C11orf24: variants seen among roughly 807,000 people sequenced by gnomAD.
C11orf24 encodes chromosome 11 open reading frame 24, also known as uncharacterized protein C11orf24.
In C11orf24, 5 loss-of-function variants were observed where a neutral mutation model predicts 7.3. The observed-to-expected ratio is 0.69, with a 90% CI of 0.36 to 1.45. The LOEUF (loss-of-function observed/expected upper bound fraction) is 1.45. Among genes scored for constraint, C11orf24 ranks in the 40% most tolerant of loss-of-function variants. The pLI is 0.03. For missense variants in C11orf24, 566 were observed against 590.5 expected (o/e 0.96, Z 0.43); for synonymous variants, 233 against 235.7 (o/e 0.99, Z 0.11).
In C11orf24 at chr11:68,263,873, T is replaced by C; in HGVS notation, c.-99-7A>G. The C allele has an allele frequency of 4.3e-6, 4 of 930,846 alleles. No individual in the cohort carries two copies. The South Asian group carries it at 6.1e-5, about 14-fold the overall frequency. The allele number at this position is 930,846 out of a possible 1,614,324, so 57.7% of individuals were successfully genotyped here. ...TCCTGCTTGGCCAAGGGATCTGTGG[T>C]CAAGAAAGCACGCTGGTCAGAAGGC... On this transcript the variant is annotated splice_polypyrimidine_tract_variant and splice_region_variant and intron_variant, in intron 2 of 3. Coordinates refer to ENST00000304271, the MANE Select transcript of C11orf24 (RefSeq NM_022338.4).
At chr11:68,269,522 G>A (rs1248144280) in intron 1 of C11orf24, among the ~76,000 whole-genome samples, 3 of 152,190 alleles carry the variant, frequency 2.0e-5, no homozygotes, top group Admixed American at 6.5e-5. Context: ...AGATGCCCAC[G>A]TGTGCACACA....
At position 68,262,036 on chromosome 11, in the gene C11orf24, A is replaced by G. The variant is rs1480725858; in HGVS notation, c.959T>C (p.Met320Thr). 3.1e-6 allele frequency: 5 copies of G among 1,603,528 alleles called. No individual in the cohort carries two copies. The highest frequency in any genetic ancestry group is 3.4e-5 in the Admixed American group (2 of 59,546). The change falls in exon 4 of 4, where the codon ATG becomes ACG. Residue 320 changes from methionine to threonine, a missense_variant. By Grantham distance (81) the Met-to-Thr change is moderately conservative. Transcript: ENST00000304271. ...HTSPIPEMEA[M>T]SPTTQPSPMP... The stretch of plus-strand genomic sequence containing the variant: ...GGGGCTTGGCTGTGTCGTGGGGGAC[A>G]TGGCCTCCATCTCAGGGATTGGGCT...
intron 2 of C11orf24, among the ~76,000 whole-genome samples, chr11:68,264,799 C>T (rs1450422480): frequency 6.7e-6 from 1 of 149,530 alleles, no homozygotes; most frequent in African/African-American, 2.5e-5. Context: ...AGGTGAAAAA[C>T]ACACAAGCTC....
In C11orf24 at chr11:68,261,664, T is replaced by C. The variant is rs1254076723; in HGVS notation, c.1331A>G (p.Tyr444Cys). 6.2e-7 allele frequency: 1 copy of C among 1,609,996 alleles called. No individual in the cohort carries two copies. The highest frequency in any genetic ancestry group is 8.5e-7 in the Non-Finnish European group (1 of 1,176,618). Residue 444 changes from tyrosine (Y) to cysteine (C), a missense_variant, in exon 4 of 4, where the codon TAT (tyrosine) becomes TGT (cysteine). Tyr to Cys is a radical substitution (Grantham distance 194, BLOSUM62 -2). Transcript: ENST00000304271. ...CCCCCCTCACATTTCTGAGTCCGCATACATCCCGTTGATTAAGTAGTCCAC... is the reference window on the plus strand; with the variant it reads ...CCCCCCTCACATTTCTGAGTCCGCACACATCCCGTTGATTAAGTAGTCCAC... ...TQVDYLINGM[Y>C]ADSEM
intron 2 of C11orf24, among the ~76,000 whole-genome samples, chr11:68,266,743 A>AT (rs1482479906): frequency 6.6e-6 from 1 of 152,168 alleles, no homozygotes; most frequent in Non-Finnish European, 1.5e-5. Context: ...CTTTTGATAA[A>AT]TATGAGTATT....
Position 68,263,760 on chromosome 11 carries a change from G to C in C11orf24, c.8C>G (p.Thr3Arg), listed in dbSNP as rs760346025. MW[T>R]ALVLIWIFSL... Reference sequence around the variant, plus strand: ...GAAAATCCAAATGAGCACAAGAGCTGTCCACATCTTGTGGGTGAGCTGGGA... The same window carrying C: ...GAAAATCCAAATGAGCACAAGAGCTCTCCACATCTTGTGGGTGAGCTGGGA... The change falls in exon 3 of 4, where the codon ACA becomes AGA. Residue 3 changes from threonine to arginine, a missense_variant. Physicochemically the swap from Thr to Arg is moderately conservative, Grantham distance 71 (BLOSUM62 -1). Coordinates refer to ENST00000304271, the MANE Select transcript of C11orf24 (RefSeq NM_022338.4). 1.5e-5 allele frequency: 24 copies of C among 1,612,790 alleles called. No individual in the cohort carries two copies. The highest frequency in any genetic ancestry group is 1.9e-5 in the Non-Finnish European group (23 of 1,179,882).
At chr11:68,268,336 T>C (rs1255783911) in intron 1 of C11orf24, 85 bp from the exon 2 acceptor site, 2 of 152,234 alleles carry the variant, frequency 1.3e-5, no homozygotes, top group South Asian at 4.1e-4. Flanking sequence ...AAGAGCAGAA[T>C]TCAATAGATC....
rs140289830 is a variant in C11orf24, at chr11:68,262,492, G to T, written c.503C>A (p.Ala168Glu). ...CCGCCCTGTGGAAGTGGACGTGGGCGCGGGGAGTGCAAGTGTCATGGGAGT... is the reference window on the plus strand; with the variant it reads ...CCGCCCTGTGGAAGTGGACGTGGGCTCGGGGAGTGCAAGTGTCATGGGAGT... ...SSTPMTLALP[A>E]PTSTSTGRTP... The change falls in exon 4 of 4, where the codon GCG (alanine) becomes GAG (glutamate). Residue 168 changes from alanine to glutamate, a missense_variant. Physicochemically the swap from Ala to Glu is moderately radical, Grantham distance 107. Transcript: ENST00000304271. 6.2e-7 allele frequency: 1 copy of T among 1,613,970 alleles called. No individual in the cohort carries two copies. Among genetic ancestry groups the T allele is most frequent in the Admixed American group, 1.7e-5 (1 of 59,990 alleles).
chr11:68,266,493 T>C (rs1381433582), intron 2 of C11orf24, among the ~76,000 whole-genome samples: 1 of 152,226 alleles, frequency 6.6e-6, no homozygotes, highest in Non-Finnish European at 1.5e-5. Flanking sequence ...CAAATGGTGC[T>C]TTCTCTTCAA....
Position 68,261,677 on chromosome 11 carries a change from TTAAG to T in C11orf24, c.1314_1317del (p.Tyr438Ter), listed in dbSNP as rs1332594125. 2 of 1,612,604 alleles carry T rather than the reference TTAAG, an allele frequency of 1.2e-6. No homozygotes were observed. Among genetic ancestry groups the T allele is most frequent in the Non-Finnish European group, 1.7e-6 (2 of 1,178,688 alleles). On this transcript the variant is annotated frameshift_variant, in exon 4 of 4. Transcript: ENST00000304271. LOFTEE classifies it high-confidence loss of function. ...TCTGAGTCCGCATACATCCCGTTGA[TTAAG>T]TAGTCCACCTGGGTGTAGTCCTTCT... is the stretch of plus-strand genomic sequence containing the variant.
Position 68,261,725 on chromosome 11 carries a change from C to T in C11orf24, c.1270G>A (p.Ala424Thr). The T allele has an allele frequency of 6.2e-7, 1 of 1,614,198 alleles. No individual in the cohort carries two copies. Among genetic ancestry groups the T allele is most frequent in the Non-Finnish European group, 8.5e-7 (1 of 1,180,036 alleles). The change falls in exon 4 of 4, where the codon GCC (alanine) becomes ACC (threonine). Residue 424 changes from alanine to threonine, a missense_variant. By Grantham distance (58) the Ala-to-Thr change is moderately conservative (BLOSUM62 0). Coordinates refer to ENST00000304271, the MANE Select transcript of C11orf24 (RefSeq NM_022338.4). ...TCCTTCTTCTTGTAGCTCTCATAGG[C>T]CTGCAGGGCAAACAAAACCAAGACT... is the stretch of plus-strand genomic sequence containing the variant. The part of the protein sequence containing the change: ...ITVLVLFALQ[A>T]YESYKKKDYT...
At chr11:68,269,566 TTG>T (rs2098566856) in intron 1 of C11orf24, among the ~76,000 whole-genome samples, 1 of 152,198 alleles carries the variant, frequency 6.6e-6, no homozygotes, top group South Asian at 2.1e-4. Flanking sequence ...TCACACACGC[TTG>T]TGTGCGCACA....
chr11:68,271,392 G>A (rs2098567861), intron 1 of C11orf24, among the ~76,000 whole-genome samples: 1 of 152,164 alleles, frequency 6.6e-6, no homozygotes, highest in Non-Finnish European at 1.5e-5. Context: ...CCTCCACCCA[G>A]GTAGAGAGAG....
At position 68,261,592 on chromosome 11, in the gene C11orf24, CA is replaced by C; in HGVS notation, c.*52del. On this transcript the variant is annotated 3_prime_UTR_variant, in exon 4 of 4. Transcript: ENST00000304271. Reference sequence around the variant, plus strand: ...GAAGCACTTGGTTTGGTCTCAAAGGCAAAAGGAAAGGACGAGGAAGGGGCCA... The same window carrying C: ...GAAGCACTTGGTTTGGTCTCAAAGGCAAAGGAAAGGACGAGGAAGGGGCCA... The C allele has an allele frequency of 2.0e-6, 3 of 1,514,278 alleles. No homozygotes were observed. Among genetic ancestry groups the C allele is most frequent in the Non-Finnish European group, 2.7e-6 (3 of 1,124,422 alleles). 93.8% of individuals were successfully genotyped at this position (1,514,278 alleles called of 1,614,324 possible).
chr11:68,264,521 CTCATCCAT>C (rs2098563679), intron 2 of C11orf24, among the ~76,000 whole-genome samples: 1 of 79,200 alleles, frequency 1.3e-5, no homozygotes, highest in Non-Finnish European at 2.7e-5. Flanking sequence ...CATCCACCCA[CTCATCCAT>C]CCATCCATCC....
At chr11:68,265,181 G>A (rs966964616) in intron 2 of C11orf24, among the ~76,000 whole-genome samples, 1 of 152,208 alleles carries the variant, frequency 6.6e-6, no homozygotes. Flanking sequence ...GTGGTGAGGC[G>A]GGAATTAGTC....
At chr11:68,268,525 A>G (rs777991090) in intron 1 of C11orf24, among the ~76,000 whole-genome samples, 1 of 152,136 alleles carries the variant, frequency 6.6e-6, no homozygotes, top group Admixed American at 6.5e-5. Context: ...CCCCATCTCC[A>G]CTAAAAATAC....
At position 68,261,876 on chromosome 11, in the gene C11orf24, C is replaced by A. The variant is rs755379755; in HGVS notation, c.1119G>T (p.Thr373=). 6.2e-7 allele frequency: 1 copy of A among 1,614,048 alleles called. No individual in the cohort carries two copies. Among genetic ancestry groups the A allele is most frequent in the Non-Finnish European group, 8.5e-7 (1 of 1,180,042 alleles). ...CTTGGGTGCTGGGCTGGCACGAGTCCGTGGCTGGCATCTTAGTGCCCCCTG... is the reference window on the plus strand; with the variant it reads ...CTTGGGTGCTGGGCTGGCACGAGTCAGTGGCTGGCATCTTAGTGCCCCCTG... ...RSSGGTKMPA[T]DSCQPSTQGQ... The change falls in exon 4 of 4, where the codon ACG becomes ACT. Residue 373 remains threonine, a synonymous_variant. Coordinates refer to ENST00000304271, the MANE Select transcript of C11orf24 (RefSeq NM_022338.4).
intron 2 of C11orf24, among the ~76,000 whole-genome samples, chr11:68,266,764 T>G (rs1473983795): frequency 6.6e-6 from 1 of 152,134 alleles, no homozygotes; most frequent in Non-Finnish European, 1.5e-5. Flanking sequence ...TAAATGGCTC[T>G]CTCTTGGGCC....
Sources: gnomAD v4.1 joint callset for allele counts (sites outside exome capture counted in the v4.1 genomes callset) on GRCh38, gnomAD v4.1.1 for gene constraint, MANE v1.5 for transcripts, NCBI Gene and HGNC (gene_info 2026-07-23, HGNC 2026-07-21) for gene names.